TCERG1: variants seen among roughly 807,000 people sequenced by gnomAD.
TCERG1 encodes TATA box binding protein (TBP)-associated factor, RNA polymerase II, S, 150kD.
A neutral mutation model predicts 144.7 loss-of-function variants in TCERG1; 37 were observed. The ratio of observed to expected loss-of-function variants is 0.26; its 90% CI spans 0.20 to 0.34. The LOEUF (loss-of-function observed/expected upper bound fraction) is 0.34, where lower values mean the gene tolerates loss of function less well. TCERG1 is among the 10% of genes least tolerant of loss of function. The probability of loss-of-function intolerance (pLI) is 1.00; values close to 1 mark genes in which losing one functional copy is unlikely to be tolerated. For missense variants in TCERG1, 1,027 were observed against 1,380.7 expected (o/e 0.74, Z 4.06); for synonymous variants, 492 against 458.2 (o/e 1.07, Z -0.94).
In TCERG1 at chr5:146,459,199, C is replaced by A. The variant is rs557400659; in HGVS notation, c.754C>A (p.Gln252Lys). Residue 252 changes from glutamine (Q) to lysine (K), a missense_variant, in exon 4 of 23, where the codon CAA becomes AAA. Physicochemically the swap from Gln to Lys is moderately conservative, Grantham distance 53. This residue lies in a region of TCERG1 where 187 missense variants were observed against 169.1 expected (regional missense o/e 1.11). Transcript: ENST00000679501. ...QVQAQVQAQV[Q>K]AQAVGASTPT... ...CCAGGCCCAGGTCCAGGCACAAGTG[C>A]AAGCACAAGCAGTTGGAGCTTCCAC... 1.2e-6 allele frequency: 2 copies of A among 1,614,260 alleles called. No homozygotes were observed. The highest frequency in any genetic ancestry group is 1.7e-5 in the Admixed American group (1 of 60,034).
intron 22 of TCERG1, 24 bp from the exon 23 acceptor site, chr5:146,510,417 T>A (rs1768367338): frequency 6.3e-7 from 1 of 1,577,842 alleles, no homozygotes; most frequent in African/African-American, 1.4e-5. Context: ...TCAGTAATTC[T>A]TGGACTTCTT....
At chr5:146,482,457 C>A (rs1476610173) in intron 13 of TCERG1, 135 bp from the exon 14 acceptor site, 2 of 696,518 alleles carry the variant, frequency 2.9e-6, no homozygotes, top group Admixed American at 6.8e-5. Context: ...ATTTGAAACC[C>A]TCAATATAAT....
At chr5:146,500,302 A>T (rs570852705) in intron 17 of TCERG1, among the ~76,000 whole-genome samples, 1 of 152,108 alleles carries the variant, frequency 6.6e-6, no homozygotes, top group Non-Finnish European at 1.5e-5. Flanking sequence ...AGTGGATTTT[A>T]TATTCACATT....
chr5:146,476,277 T>G (rs950537656), intron 9 of TCERG1, among the ~76,000 whole-genome samples: 2 of 152,228 alleles, frequency 1.3e-5, no homozygotes, highest in African/African-American at 4.8e-5. Flanking sequence ...TACCTGAAGA[T>G]TTTTATTGAA....
chr5:146,468,044 T>C (rs1554097229), intron 5 of TCERG1, among the ~76,000 whole-genome samples: 1 of 152,174 alleles, frequency 6.6e-6, no homozygotes, highest in Non-Finnish European at 1.5e-5. Flanking sequence ...GAGAATTTGT[T>C]ATGTATGTGT....
At position 146,487,334 on chromosome 5, in the gene TCERG1, AAGCTCATGGAT is replaced by A. The variant is rs1229056595; in HGVS notation, c.2163+3706_2163+3716del. Among the ~76,000 whole-genome samples the A allele has an allele frequency of 9.2e-5, 14 of 152,308 alleles. 1 individual carries two copies. The highest frequency in any genetic ancestry group is 9.2e-4 in the Admixed American group (14 of 15,296). ...CAGGATACAAAGGGAAAGACATCCC[AAGCTCATGGAT>A]CAGAATAATTAATATTGTTAAAGTG... is the stretch of plus-strand genomic sequence containing the variant. On this transcript the variant is annotated intron_variant, in intron 15 of 22. Transcript: ENST00000679501.
rs537034056 is a variant in TCERG1 at position 146,481,110 on chromosome 5, T to C, written c.1887-40T>C. ...TTAGGTTGTTTTTAATTGTTTGTTCTTATAGACAACTCTGTAAGGTTTTTA... is the reference window on the plus strand; with the variant it reads ...TTAGGTTGTTTTTAATTGTTTGTTCCTATAGACAACTCTGTAAGGTTTTTA... On this transcript the variant is annotated intron_variant, in intron 12 of 22. Coordinates refer to ENST00000679501, the MANE Select transcript of TCERG1 (RefSeq NM_001382548.1). 19 of 969,220 alleles carry C rather than the reference T, an allele frequency of 2.0e-5. No individual in the cohort carries two copies. In the African/African-American group the frequency reaches 3.2e-4, roughly 16 times the overall value. The allele number at this position is 969,220 out of a possible 1,614,324, so 60.0% of individuals were successfully genotyped here.
chr5:146,508,582 T>C (rs1252288714), intron 21 of TCERG1, among the ~76,000 whole-genome samples: 1 of 152,220 alleles, frequency 6.6e-6, no homozygotes, highest in African/African-American at 2.4e-5. Context: ...AGACCCAGTC[T>C]CAGTTTCTAA....
chr5:146,474,070 A>T (rs1764600619), intron 9 of TCERG1, among the ~76,000 whole-genome samples: 1 of 145,254 alleles, frequency 6.9e-6, no homozygotes, highest in Non-Finnish European at 1.5e-5. Flanking sequence ...GCTGCCGTAG[A>T]TTGTGATTCC....
In TCERG1 at chr5:146,459,382, T is replaced by A; in HGVS notation, c.892+45T>A. 4 of 1,584,344 alleles carry A rather than the reference T, an allele frequency of 2.5e-6. No homozygotes were observed. In the African/African-American group the frequency reaches 5.4e-5, roughly 21 times the overall value. On this transcript the variant is annotated intron_variant, in intron 4 of 22. Transcript: ENST00000679501. ...TGTTTTTATATAGGGGCTAGAGACA[T>A]GAACAAGTAGGGGACTACATTTCAT...
intron 4 of TCERG1, among the ~76,000 whole-genome samples, chr5:146,460,577 G>A (rs1400078353): frequency 1.3e-5 from 2 of 151,946 alleles, no homozygotes; most frequent in Non-Finnish European, 2.9e-5. Flanking sequence ...TCAGGGACTT[G>A]GGAATTATTA....
chr5:146,488,717 T>TA (rs1362707868), intron 15 of TCERG1, among the ~76,000 whole-genome samples: 1 of 152,160 alleles, frequency 6.6e-6, no homozygotes, highest in Non-Finnish European at 1.5e-5. Flanking sequence ...GCAATCCCCC[T>TA]ATCAGGTATG....
chr5:146,500,805 G>A (rs1160931976), intron 17 of TCERG1, among the ~76,000 whole-genome samples: 2 of 151,954 alleles, frequency 1.3e-5, no homozygotes, highest in African/African-American at 4.8e-5. Context: ...AGGATTGCTC[G>A]AGACCAGCCT....
chr5:146,475,515 T>A (rs141739913), intron 9 of TCERG1, among the ~76,000 whole-genome samples: 8 of 152,334 alleles, frequency 5.3e-5, no homozygotes, highest in African/African-American at 1.9e-4. Context: ...CAACAAGAAT[T>A]ACTTACCTAG....
intron 9 of TCERG1, among the ~76,000 whole-genome samples, chr5:146,475,154 G>C (rs1554098602): frequency 6.6e-6 from 1 of 152,014 alleles, no homozygotes; most frequent in Non-Finnish European, 1.5e-5. Context: ...TCTTTTCCTT[G>C]TTTTTGTTAT....
chr5:146,447,707 C>G (rs1466107183), intron 1 of TCERG1, among the ~76,000 whole-genome samples: 1 of 152,228 alleles, frequency 6.6e-6, no homozygotes, highest in East Asian at 1.9e-4. Flanking sequence ...CTTTGGGCCC[C>G]GCCTCAGCCG....
At chr5:146,494,506 C>G (rs1002390259) in intron 16 of TCERG1, among the ~76,000 whole-genome samples, 1 of 152,058 alleles carries the variant, frequency 6.6e-6, no homozygotes, top group Non-Finnish European at 1.5e-5. Flanking sequence ...TTGAAGTGAT[C>G]TGTATTATGC....
chr5:146,503,569 C>T (rs750862380), intron 18 of TCERG1, 30 bp downstream of exon 18: 1 of 1,605,812 alleles, frequency 6.2e-7, no homozygotes, highest in Non-Finnish European at 8.5e-7. Context: ...GTATTGCTTT[C>T]ATTGAATAAT....
chr5:146,491,052 G>T (rs1003136432), intron 15 of TCERG1, among the ~76,000 whole-genome samples: 2 of 150,740 alleles, frequency 1.3e-5, no homozygotes, highest in African/African-American at 2.4e-5. Context: ...CACTAAGTTT[G>T]TTCTCTTTAG....
Sources: gnomAD v4.1 joint callset for allele counts (sites outside exome capture counted in the v4.1 genomes callset) on GRCh38, gnomAD v4.1.1 for gene constraint, gnomAD v4.1.1 regional missense constraint, MANE v1.5 for transcripts, NCBI Gene and HGNC (gene_info 2026-07-23, HGNC 2026-07-21) for gene names.